The following GAS7 variants were observed in gnomAD, a reference collection of about 807,000 sequenced individuals.
GAS7 encodes growth arrest specific 7, also known as growth arrest-specific protein 7.
In GAS7, 28 loss-of-function variants were observed where a neutral mutation model predicts 71.1. The observed-to-expected ratio is 0.39, with a 90% CI of 0.29 to 0.54. The LOEUF (loss-of-function observed/expected upper bound fraction) is 0.54, where lower values mean the gene tolerates loss of function less well. Among genes scored for constraint, GAS7 ranks in the 20% least tolerant of loss-of-function variants. GAS7 has a pLI of 0.62. For synonymous variants in GAS7, 258 were observed against 245.8 expected (o/e 1.05, Z -0.46); for missense variants, 436 against 627.8 (o/e 0.69, Z 3.27).
chr17:9,978,882 G>A (rs763040984), intron 3 of GAS7, among the ~76,000 whole-genome samples: 7 of 152,128 alleles, frequency 4.6e-5, no homozygotes, highest in South Asian at 2.1e-4. Flanking sequence ...CTAGAACTGA[G>A]CTTCCCCACC....
At chr17:9,999,756 T>C (rs1012589642) in intron 2 of GAS7, among the ~76,000 whole-genome samples, 1 of 152,162 alleles carries the variant, frequency 6.6e-6, no homozygotes, top group African/African-American at 2.4e-5. Flanking sequence ...AAAACATGTA[T>C]AGAAATTCTG....
Position 9,911,552 on chromosome 17 carries a change from G to A in GAS7, c.*5676C>T, listed in dbSNP as rs532971395. 2.1e-5 allele frequency: 5 copies of A among 233,262 alleles called. No individual in the cohort carries two copies. Among genetic ancestry groups the A allele is most frequent in the South Asian group, 1.8e-4 (1 of 5,518 alleles). 14.4% of individuals were successfully genotyped at this position (233,262 alleles called of 1,614,324 possible). A position where few individuals can be genotyped will look rare whatever the true frequency, so the allele number is the denominator to read the frequency against. Reference sequence around the variant, plus strand: ...ACAGCCATGCCCCAGCATTTAGAACGTGGGGAGAAGCGAATTGGTTTTTGC... The same window carrying A: ...ACAGCCATGCCCCAGCATTTAGAACATGGGGAGAAGCGAATTGGTTTTTGC... On this transcript the variant is annotated 3_prime_UTR_variant, in exon 14 of 14. Coordinates refer to ENST00000432992, the MANE Select transcript of GAS7 (RefSeq NM_201433.2). The surrounding 1 kb of genome is among the most constrained non-coding windows in gnomAD (Gnocchi z 4.0).
chr17:9,953,438 A>G (rs911027587), intron 5 of GAS7, among the ~76,000 whole-genome samples: 4 of 152,076 alleles, frequency 2.6e-5, no homozygotes, highest in African/African-American at 9.7e-5. Context: ...ATTTCTCCAA[A>G]TCCTCACTCC....
chr17:10,081,812 CA>C (rs1438497870), intron 1 of GAS7, among the ~76,000 whole-genome samples: 1 of 152,172 alleles, frequency 6.6e-6, no homozygotes, highest in African/African-American at 2.4e-5. Context: ...CTGTGGGTGG[CA>C]GTCTGCATTT....
chr17:9,913,709 C>T lies in GAS7; in HGVS notation c.*3519G>A, dbSNP rs2067502331. 1 of 231,772 alleles carries T rather than the reference C, an allele frequency of 4.3e-6. No individual in the cohort carries two copies. Among genetic ancestry groups the T allele is most frequent in the African/African-American group, 2.2e-5 (1 of 45,234 alleles). 14.4% of individuals were successfully genotyped at this position (231,772 alleles called of 1,614,324 possible). A position where few individuals can be genotyped will look rare whatever the true frequency, so the allele number is the denominator to read the frequency against. ...CTGACAGAATCTCAGGGCCGCCATC[C>T]CCACGGTCCAAGGGGCCTATGTGTT... On this transcript the variant is annotated 3_prime_UTR_variant, in exon 14 of 14. Transcript: ENST00000432992.
chr17:9,956,066 C>T (rs912850010), intron 5 of GAS7, among the ~76,000 whole-genome samples: 10 of 152,202 alleles, frequency 6.6e-5, no homozygotes, highest in Admixed American at 5.9e-4. Context: ...ACTGAACACA[C>T]GTGTGACCAA....
Position 10,026,112 on chromosome 17 carries a change from T to TC in GAS7, c.184-6216dup. 1 of 956,232 alleles carries TC rather than the reference T, an allele frequency of 1.0e-6. No individual in the cohort carries two copies. The highest frequency in any genetic ancestry group is 1.2e-6 in the Non-Finnish European group (1 of 803,522). The allele number at this position is 956,232 out of a possible 1,614,324, so 59.2% of individuals were successfully genotyped here. A position where few individuals can be genotyped will look rare whatever the true frequency, so the allele number is the denominator to read the frequency against. On this transcript the variant is annotated intron_variant, in intron 1 of 13. Coordinates refer to ENST00000432992, the MANE Select transcript of GAS7 (RefSeq NM_201433.2). This position sits in a 1 kb window ranked among gnomAD's most constrained non-coding sequence, Gnocchi z 4.5. ...TGCCACCTCCACCTCCGGGACTCTCTCCCCCTCCGGAGGTTTCTGAGAACA... is the reference window on the plus strand; with the variant it reads ...TGCCACCTCCACCTCCGGGACTCTCTCCCCCCTCCGGAGGTTTCTGAGAACA...
At chr17:9,921,013 G>A (rs1485410574) in intron 11 of GAS7, among the ~76,000 whole-genome samples, 3 of 152,068 alleles carry the variant, frequency 2.0e-5, no homozygotes, top group Non-Finnish European at 4.4e-5. Context: ...CACCAGACGC[G>A]AGTGTGCCTT....
rs2070111081 is a variant in GAS7, at chr17:9,974,585, T to C, written c.386-4823A>G. Among the ~76,000 whole-genome samples, 1 of 152,064 alleles carries C rather than the reference T, an allele frequency of 6.6e-6. No individual in the cohort carries two copies. The highest frequency in any genetic ancestry group is 2.4e-5 in the African/African-American group (1 of 41,402). On this transcript the variant is annotated intron_variant, in intron 3 of 13. Coordinates refer to ENST00000432992, the MANE Select transcript of GAS7 (RefSeq NM_201433.2). This position sits in a 1 kb window ranked among gnomAD's most constrained non-coding sequence, Gnocchi z 4.0. ...TAAAAAGGGAACTAAAAGCTCTATCTAGTTAGTAACCTTAGCAGCTTCAAA... is the reference window on the plus strand; with the variant it reads ...TAAAAAGGGAACTAAAAGCTCTATCCAGTTAGTAACCTTAGCAGCTTCAAA...
chr17:10,139,034 C>T (rs886669013), intron 1 of GAS7, among the ~76,000 whole-genome samples: 4 of 152,136 alleles, frequency 2.6e-5, no homozygotes, highest in Admixed American at 2.0e-4. Flanking sequence ...TTGGTATTAG[C>T]GCCAGCCTAG....
intron 1 of GAS7, among the ~76,000 whole-genome samples, chr17:10,188,396 T>C (rs1248027960): frequency 6.6e-6 from 1 of 152,222 alleles, no homozygotes; most frequent in Non-Finnish European, 1.5e-5. Flanking sequence ...TGATGTAATA[T>C]ACGCTGATAT....
intron 1 of GAS7, among the ~76,000 whole-genome samples, chr17:10,066,691 A>G (rs1307856686): frequency 2.0e-5 from 3 of 152,200 alleles, no homozygotes; most frequent in Non-Finnish European, 4.4e-5. Flanking sequence ...TCTATTAATT[A>G]GGAAAAAACA....
At chr17:10,197,971 G>A (rs557569396) in intron 1 of GAS7, among the ~76,000 whole-genome samples, 3 of 152,310 alleles carry the variant, frequency 2.0e-5, no homozygotes, top group East Asian at 3.9e-4. Context: ...GGTGTGCTCC[G>A]GAGGCCCGGC....
intron 1 of GAS7, among the ~76,000 whole-genome samples, chr17:10,078,362 G>T (rs925225205): frequency 6.6e-6 from 1 of 152,158 alleles, no homozygotes; most frequent in Non-Finnish European, 1.5e-5. Context: ...AAAGTGGTGG[G>T]ATTACAGGCA....
chr17:9,988,934 C>T (rs1280843926), intron 2 of GAS7, among the ~76,000 whole-genome samples: 6 of 151,590 alleles, frequency 4.0e-5, no homozygotes, highest in African/African-American at 1.2e-4. Context: ...CTGCAAGCTC[C>T]GCCTCCCAGG....
At chr17:10,159,160 TA>T in intron 1 of GAS7, among the ~76,000 whole-genome samples, 1 of 147,898 alleles carries the variant, frequency 6.8e-6, no homozygotes. Context: ...CTAAAATCTG[TA>T]AAACCAGCAA....
In GAS7 at chr17:10,181,128, A is replaced by G. The variant is rs536665380; in HGVS notation, c.183+17080T>C. On this transcript the variant is annotated intron_variant, in intron 1 of 13. Transcript: ENST00000432992. Reference sequence around the variant, plus strand: ...TGTAATCCCAGCACTTTGGGAGGCCAAGGCGGGCACATCACGAGGTCAGGA... The same window carrying G: ...TGTAATCCCAGCACTTTGGGAGGCCGAGGCGGGCACATCACGAGGTCAGGA... 2.0e-4 allele frequency among the ~76,000 whole-genome samples: 29 copies of G among 146,194 alleles called. No homozygotes were observed. In the East Asian group the frequency reaches 2.1e-3, roughly 11 times the overall value.
chr17:9,952,682 C>A (rs548516957), intron 5 of GAS7, among the ~76,000 whole-genome samples: 1 of 152,120 alleles, frequency 6.6e-6, no homozygotes, highest in African/African-American at 2.4e-5. Context: ...CGTGAGTCAC[C>A]GCGCCCGGCC....
chr17:10,008,710 A>G (rs1255637620), intron 2 of GAS7, among the ~76,000 whole-genome samples: 1 of 152,224 alleles, frequency 6.6e-6, no homozygotes, highest in Non-Finnish European at 1.5e-5. Flanking sequence ...TTCCACTAAG[A>G]ATCCATTAAA....
Sources: gnomAD v4.1 joint callset for allele counts (sites outside exome capture counted in the v4.1 genomes callset) on GRCh38, gnomAD v4.1.1 for gene constraint, Gnocchi (gnomAD v3.1) non-coding constraint, MANE v1.5 for transcripts, NCBI Gene and HGNC (gene_info 2026-07-23, HGNC 2026-07-21) for gene names.